The following MRPL42 variants were observed in gnomAD, a reference collection of about 807,000 sequenced individuals.
The protein encoded by MRPL42 is mitochondrial ribosomal protein L42, also known as large ribosomal subunit protein mL42.
MRPL42 carries 17 observed loss-of-function variants against 17.9 expected under a neutral mutation model. That is an observed-to-expected ratio of 0.95 (90% CI 0.65 to 1.42). The LOEUF is 1.42. Ranked by LOEUF, MRPL42 falls within the 40% of genes most tolerant of loss-of-function variation. The pLI is 0.00. For synonymous variants in MRPL42, 59 were observed against 54.4 expected (o/e 1.08, Z -0.37); for missense variants, 177 against 175.2 (o/e 1.01, Z -0.06).
At chr12:93,496,672 C>G (rs1401666096) in intron 5 of MRPL42, among the ~76,000 whole-genome samples, 20 of 131,116 alleles carry the variant, frequency 1.5e-4, no homozygotes, top group African/African-American at 2.9e-5. Context: ...AAAAGGCAAG[C>G]TCCAACTATA....
At chr12:93,483,757 T>G (rs923094165) in intron 4 of MRPL42, among the ~76,000 whole-genome samples, 18 of 152,302 alleles carry the variant, frequency 1.2e-4, no homozygotes, top group Admixed American at 2.6e-4. Flanking sequence ...AATAATAAAT[T>G]AACCTTAGGT....
chr12:93,479,845 A>G (rs1195592266), intron 4 of MRPL42, among the ~76,000 whole-genome samples: 1 of 149,940 alleles, frequency 6.7e-6, no homozygotes, highest in Non-Finnish European at 1.5e-5. Flanking sequence ...CTGGGATTAC[A>G]GCTACTTTTT....
intron 3 of MRPL42, among the ~76,000 whole-genome samples, chr12:93,477,605 T>G (rs1565810713): frequency 6.6e-6 from 1 of 152,212 alleles, no homozygotes; most frequent in Non-Finnish European, 1.5e-5. Flanking sequence ...TTTATTTTTA[T>G]TTTGTTTTCG....
chr12:93,469,642 T>C (rs1294597951), intron 2 of MRPL42, among the ~76,000 whole-genome samples: 3 of 142,520 alleles, frequency 2.1e-5, no homozygotes, highest in African/African-American at 5.2e-5. Context: ...TAAAAAAAAA[T>C]GTGGGTTGGG....
chr12:93,479,353 G>A lies in MRPL42; in HGVS notation c.135-35G>A, dbSNP rs1426230921. On this transcript the variant is annotated intron_variant, in intron 3 of 5. Coordinates refer to ENST00000549982, the MANE Select transcript of MRPL42 (RefSeq NM_014050.4). Reference sequence around the variant, plus strand: ...AGGTAATCATTTTGCCTTGAATACAGTATAACTTTATTTCTAAAACATTCT... The same window carrying A: ...AGGTAATCATTTTGCCTTGAATACAATATAACTTTATTTCTAAAACATTCT... 3 of 1,462,284 alleles carry A rather than the reference G, an allele frequency of 2.1e-6. No homozygotes were observed. The African/African-American group carries it at 4.3e-5, about 21-fold the overall frequency. The allele number at this position is 1,462,284 out of a possible 1,614,324, so 90.6% of individuals were successfully genotyped here. A position where few individuals can be genotyped will look rare whatever the true frequency, so the allele number is the denominator to read the frequency against.
At position 93,486,240 on chromosome 12, in the gene MRPL42, G is replaced by A. The variant is rs566961435; in HGVS notation, c.220-1257G>A. Among the ~76,000 whole-genome samples the A allele has an allele frequency of 8.5e-5, 13 of 152,312 alleles. No homozygotes were observed. The East Asian group carries it at 2.5e-3, about 29-fold the overall frequency. On this transcript the variant is annotated intron_variant, in intron 4 of 5. Coordinates refer to ENST00000549982, the MANE Select transcript of MRPL42 (RefSeq NM_014050.4). ...TTTTTAGTAATCATTAACTTTGGGG[G>A]AAAGCTATTTAAATTACAATAAAGC...
At chr12:93,485,005 T>TACACAC (rs754993975) in intron 4 of MRPL42, among the ~76,000 whole-genome samples, 942 of 49,488 alleles carry the variant, frequency 0.019, 126 homozygotes, top group African/African-American at 0.044. Context: ...TATATATATA[T>TACACAC]ATATATATAT....
intron 2 of MRPL42, among the ~76,000 whole-genome samples, chr12:93,475,993 AAAC>A (rs1880154191): frequency 6.6e-6 from 1 of 152,110 alleles, no homozygotes; most frequent in African/African-American, 2.4e-5. Flanking sequence ...AAACAAAACA[AAAC>A]AACAACAACA....
rs1953697567 is a variant in MRPL42, at chr12:93,508,865, C to G, written c.*7644C>G. On this transcript the variant is annotated 3_prime_UTR_variant, in exon 6 of 6. Coordinates refer to ENST00000549982, the MANE Select transcript of MRPL42 (RefSeq NM_014050.4). ...TAAACCATATATATTTTAACACTGT[C>G]TCTTTTTCACACACACTAGTTAGCT... 1 of 152,114 alleles carries G rather than the reference C, an allele frequency of 6.6e-6. No homozygotes were observed. The highest frequency in any genetic ancestry group is 1.5e-5 in the Non-Finnish European group (1 of 68,036). 9.4% of individuals were successfully genotyped at this position (152,114 alleles called of 1,614,324 possible).
At position 93,483,267 on chromosome 12, in the gene MRPL42, G is replaced by T. The variant is rs191131558; in HGVS notation, c.219+3795G>T. Among the ~76,000 whole-genome samples, 227 of 152,206 alleles carry T rather than the reference G, an allele frequency of 1.5e-3. 1 individual carries two copies. The highest frequency in any genetic ancestry group is 2.4e-3 in the Non-Finnish European group (165 of 68,012). ...TTTTCACTGATATCTTTGTTACTTT[G>T]CATTTCTGTAGTACAGTCATGCATT... is the stretch of plus-strand genomic sequence containing the variant. On this transcript the variant is annotated intron_variant, in intron 4 of 5. Coordinates refer to ENST00000549982, the MANE Select transcript of MRPL42 (RefSeq NM_014050.4).
rs1879777186 is a variant in MRPL42 at position 93,469,133 on chromosome 12, G to A, written c.-94-59G>A. 21 of 572,194 alleles carry A rather than the reference G, an allele frequency of 3.7e-5. No homozygotes were observed. In the East Asian group the frequency reaches 6.1e-4, roughly 17 times the overall value. 35.4% of individuals were successfully genotyped at this position (572,194 alleles called of 1,614,324 possible). The stretch of plus-strand genomic sequence containing the variant: ...GTGATTCTTACCTTGTTCTTGTGGT[G>A]TTTAATATAACTTAAATTTACCATA... On this transcript the variant is annotated intron_variant, in intron 1 of 5. Coordinates refer to ENST00000549982, the MANE Select transcript of MRPL42 (RefSeq NM_014050.4).
intron 4 of MRPL42, among the ~76,000 whole-genome samples, chr12:93,484,922 GACTTT>G (rs1880629933): frequency 7.4e-6 from 1 of 135,406 alleles, no homozygotes; most frequent in African/African-American, 2.7e-5. Flanking sequence ...TGCAGCCCAT[GACTTT>G]ACTTAATTGT....
chr12:93,487,971 C>CTT (rs35810496), intron 5 of MRPL42: 17 of 179,448 alleles, frequency 9.5e-5, no homozygotes, highest in South Asian at 5.9e-4. Flanking sequence ...TAATTTTGTT[C>CTT]TTTTTTTTTT....
At chr12:93,489,789 G>A (rs957413837) in intron 5 of MRPL42, among the ~76,000 whole-genome samples, 5 of 152,176 alleles carry the variant, frequency 3.3e-5, no homozygotes, top group Admixed American at 1.3e-4. Flanking sequence ...GCCCCACTTG[G>A]CCTCCCAAAG....
At position 93,479,377 on chromosome 12, in the gene MRPL42, CT is replaced by C. The variant is rs200682206; in HGVS notation, c.135-3del. 4.0e-5 allele frequency: 62 copies of C among 1,544,630 alleles called. No homozygotes were observed. Among genetic ancestry groups the C allele is most frequent in the Admixed American group, 1.1e-4 (6 of 55,002 alleles). The stretch of plus-strand genomic sequence containing the variant: ...AGTATAACTTTATTTCTAAAACATT[CT>C]TTTTTTTAGCAACGTAGAGCTTGCT... On this transcript the variant is annotated splice_polypyrimidine_tract_variant and intron_variant, in intron 3 of 5. Coordinates refer to ENST00000549982, the MANE Select transcript of MRPL42 (RefSeq NM_014050.4).
At chr12:93,496,589 G>A (rs1437629742) in intron 5 of MRPL42, among the ~76,000 whole-genome samples, 1 of 133,188 alleles carries the variant, frequency 7.5e-6, no homozygotes, top group Non-Finnish European at 1.5e-5. Flanking sequence ...GAGGGATAAA[G>A]CATTTGAAAT....
rs920636286 is a variant in MRPL42 at position 93,507,932 on chromosome 12, T to G, written c.*6711T>G. On this transcript the variant is annotated 3_prime_UTR_variant, in exon 6 of 6. Coordinates refer to ENST00000549982, the MANE Select transcript of MRPL42 (RefSeq NM_014050.4). ...TTCAAGACCAGCCTGGGCAACATAG[T>G]GAGAGCCCATCTGTAAAAAAAAAAA... 3 of 152,584 alleles carry G rather than the reference T, an allele frequency of 2.0e-5. No homozygotes were observed. Among genetic ancestry groups the G allele is most frequent in the Non-Finnish European group, 4.4e-5 (3 of 68,462 alleles). The allele number at this position is 152,584 out of a possible 1,614,324, so 9.5% of individuals were successfully genotyped here.
chr12:93,469,656 G>A (rs1430571301), intron 2 of MRPL42, among the ~76,000 whole-genome samples: 1 of 152,070 alleles, frequency 6.6e-6, no homozygotes, highest in Non-Finnish European at 1.5e-5. Context: ...GGTTGGGGAG[G>A]GGAATGGATA....
At chr12:93,478,623 C>A (rs76002691) in intron 3 of MRPL42, among the ~76,000 whole-genome samples, 1 of 152,056 alleles carries the variant, frequency 6.6e-6, no homozygotes, top group Non-Finnish European at 1.5e-5. Context: ...GTTTTTGAAC[C>A]TGGAAAGACT....
Sources: gnomAD v4.1 joint callset for allele counts (sites outside exome capture counted in the v4.1 genomes callset) on GRCh38, gnomAD v4.1.1 for gene constraint, MANE v1.5 for transcripts, NCBI Gene and HGNC (gene_info 2026-07-23, HGNC 2026-07-21) for gene names.